PIK3C2G: variants seen among roughly 807,000 people sequenced by gnomAD.
PIK3C2G encodes the protein phosphatidylinositol-4-phosphate 3-kinase catalytic subunit type 2 gamma.
In PIK3C2G, 168 loss-of-function variants were observed where a neutral mutation model predicts 181.1. That is an observed-to-expected ratio of 0.93 (90% CI 0.82 to 1.05). The LOEUF (loss-of-function observed/expected upper bound fraction) is 1.05. PIK3C2G is among the 50% of genes least tolerant of loss of function. The pLI, the probability that PIK3C2G is intolerant of heterozygous loss-of-function variation, is 0.00. For missense variants in PIK3C2G, 1,869 were observed against 1,732.8 expected (o/e 1.08, Z -1.40); for synonymous variants, 573 against 592.2 (o/e 0.97, Z 0.47).
the PIK3C2G span, chr12:18,694,964 T>A: frequency 2.2e-5 from 36 of 1,606,596 alleles, no homozygotes; most frequent in Non-Finnish European, 2.9e-5. Flanking sequence ...GGTTAAAGTA[T>A]GATTTACTCT....
the PIK3C2G span, among the ~76,000 whole-genome samples, chr12:18,703,990 A>C: frequency 6.6e-6 from 1 of 152,212 alleles, no homozygotes; most frequent in Non-Finnish European, 1.5e-5. Flanking sequence ...ATCAAAAAGA[A>C]AGTTTATTTG....
At chr12:18,562,993 C>T in intron 27 of PIK3C2G, 101 bp downstream of exon 27, 1 of 756,136 alleles carries the variant, frequency 1.3e-6, no homozygotes, top group Non-Finnish European at 2.1e-6. Context: ...TAATTTTTTA[C>T]TAAGCAAATG....
chr12:18,535,321 T>G (rs1036563009), intron 24 of PIK3C2G, among the ~76,000 whole-genome samples: 49 of 152,218 alleles, frequency 3.2e-4, no homozygotes, highest in African/African-American at 1.2e-3. Context: ...ATACAGAATT[T>G]TATTTTGTTG....
intron 31 of PIK3C2G, among the ~76,000 whole-genome samples, chr12:18,626,444 A>G (rs1419626768): frequency 6.6e-6 from 1 of 151,968 alleles, no homozygotes; most frequent in Non-Finnish European, 1.5e-5. Flanking sequence ...ATTACTTTAC[A>G]CACCACCGTT....
At chr12:18,419,838 G>C (rs1945378767) in intron 16 of PIK3C2G, among the ~76,000 whole-genome samples, 1 of 152,136 alleles carries the variant, frequency 6.6e-6, no homozygotes, top group Non-Finnish European at 1.5e-5. Flanking sequence ...ATTGAGTTAT[G>C]TGATACCACT....
At chr12:18,582,641 ATGAGACCCACTGGC>A (rs1032859488) in intron 29 of PIK3C2G, among the ~76,000 whole-genome samples, 21 of 152,148 alleles carry the variant, frequency 1.4e-4, no homozygotes, top group African/African-American at 5.1e-4. Flanking sequence ...ACCTGGCAGG[ATGAGACCCACTGGC>A]TGAGAATTTC....
intron 18 of PIK3C2G, among the ~76,000 whole-genome samples, chr12:18,470,518 T>C (rs73068575): frequency 0.08 from 12,226 of 152,218 alleles, 969 homozygotes; most frequent in Admixed American, 0.25. Flanking sequence ...TAGAAAGTTG[T>C]GCACTTTAAA....
upstream of PIK3C2G, among the ~76,000 whole-genome samples, chr12:18,258,614 CTTT>C (rs758278276): frequency 5.1e-5 from 7 of 138,210 alleles, no homozygotes; most frequent in Admixed American, 1.5e-4. Flanking sequence ...TCAGGATTTC[CTTT>C]TTTTTTTTTT....
chr12:18,601,544 T>C (rs2136541205), intron 30 of PIK3C2G, among the ~76,000 whole-genome samples: 1 of 152,268 alleles, frequency 6.6e-6, no homozygotes, highest in East Asian at 1.9e-4. Context: ...GAACAAGATC[T>C]AGGGTTCTAT....
chr12:18,475,450 T>A (rs978084660), intron 18 of PIK3C2G, among the ~76,000 whole-genome samples: 1 of 149,368 alleles, frequency 6.7e-6, no homozygotes, highest in South Asian at 2.1e-4. Flanking sequence ...TCCCCCGAGA[T>A]GAAAAATGTC....
intron 18 of PIK3C2G, among the ~76,000 whole-genome samples, chr12:18,437,658 G>C (rs1946517838): frequency 6.6e-6 from 1 of 151,896 alleles, no homozygotes; most frequent in Admixed American, 6.6e-5. Flanking sequence ...TTCTGTAAAT[G>C]TCATTAATTT....
At chr12:18,661,086 A>G in the PIK3C2G span, among the ~76,000 whole-genome samples, 2 of 152,156 alleles carry the variant, frequency 1.3e-5, no homozygotes, top group African/African-American at 4.8e-5. Flanking sequence ...TTGAGGACAG[A>G]ACAATGGAAA....
the PIK3C2G span, among the ~76,000 whole-genome samples, chr12:18,678,104 A>T: frequency 6.6e-6 from 1 of 152,140 alleles, no homozygotes; most frequent in Non-Finnish European, 1.5e-5. Flanking sequence ...TAGCAAGCCC[A>T]GCTGTCCACA....
At chr12:18,616,342 G>T (rs911313838) in intron 31 of PIK3C2G, among the ~76,000 whole-genome samples, 1 of 152,000 alleles carries the variant, frequency 6.6e-6, no homozygotes, top group Non-Finnish European at 1.5e-5. Context: ...TATTAAATAA[G>T]CAAATGTTTG....
At chr12:18,375,998 G>C (rs116582137) in intron 13 of PIK3C2G, among the ~76,000 whole-genome samples, 2 of 152,226 alleles carry the variant, frequency 1.3e-5, no homozygotes, top group Admixed American at 1.3e-4. Context: ...GAATATTTTG[G>C]AAAGCCCGGG....
downstream of PIK3C2G, among the ~76,000 whole-genome samples, chr12:18,650,467 G>A (rs1591788869): frequency 6.8e-6 from 1 of 148,120 alleles, no homozygotes; most frequent in South Asian, 2.1e-4. Context: ...CTGAAAAAAT[G>A]TAAACACTTG....
chr12:18,543,450 C>T (rs988967495), intron 25 of PIK3C2G, among the ~76,000 whole-genome samples: 1 of 151,994 alleles, frequency 6.6e-6, no homozygotes, highest in Non-Finnish European at 1.5e-5. Context: ...GTGTCTTCAT[C>T]ATGAAATCTT....
intron 4 of PIK3C2G, among the ~76,000 whole-genome samples, chr12:18,292,225 AAAATATAT>A (rs1439319755): frequency 5.4e-5 from 3 of 55,364 alleles, no homozygotes; most frequent in African/African-American, 1.6e-4. Flanking sequence ...AAAAAAAAAA[AAAATATAT>A]ATATATATAT....
intron 18 of PIK3C2G, among the ~76,000 whole-genome samples, chr12:18,469,094 C>A (rs1938198639): frequency 6.6e-6 from 1 of 152,126 alleles, no homozygotes; most frequent in African/African-American, 2.4e-5. Flanking sequence ...ACCCAGATTG[C>A]TTCAATCAGC....
Sources: allele counts gnomAD v4.1 joint callset (sites outside exome capture counted in the v4.1 genomes callset), GRCh38; gene constraint gnomAD v4.1.1; transcripts MANE v1.5; gene names NCBI Gene and HGNC (gene_info 2026-07-23, HGNC 2026-07-21).